Variants in RBFOX1 observed in about 807,000 individuals in gnomAD.
RBFOX1 encodes RNA binding protein fox-1 homolog 1.
In RBFOX1, 8 loss-of-function variants were observed where a neutral mutation model predicts 57.7. The observed-to-expected ratio is 0.14, with a 90% CI of 0.08 to 0.25. RBFOX1 has a LOEUF of 0.25. Ranked by LOEUF, RBFOX1 falls within the 10% of genes least tolerant of loss-of-function variation. RBFOX1 has a pLI of 1.00. For missense variants in RBFOX1, 611 were observed against 548.5 expected (o/e 1.11, Z -1.14); for synonymous variants, 326 against 222.4 (o/e 1.47, Z -4.15).
At chr16:7,487,234 C>G (rs1362187079) in intron 4 of RBFOX1, among the ~76,000 whole-genome samples, 1 of 152,136 alleles carries the variant, frequency 6.6e-6, no homozygotes, top group East Asian at 1.9e-4. Context: ...GTTCCCACTG[C>G]CTCACCTTGT....
intron 1 of RBFOX1, among the ~76,000 whole-genome samples, chr16:5,317,132 G>A (rs558812333): frequency 6.6e-6 from 1 of 152,188 alleles, no homozygotes; most frequent in African/African-American, 2.4e-5. Flanking sequence ...CATGTAGACA[G>A]CCTGTTGTGA....
intron 1 of RBFOX1, among the ~76,000 whole-genome samples, chr16:6,075,199 A>G (rs1025621650): frequency 6.6e-6 from 1 of 152,364 alleles, no homozygotes; most frequent in South Asian, 2.1e-4. Context: ...GAAATTAACC[A>G]AAAGGTTGAA....
chr16:5,829,780 T>C (rs1451612913), intron 3 of RBFOX1, among the ~76,000 whole-genome samples: 1 of 152,230 alleles, frequency 6.6e-6, no homozygotes, highest in Non-Finnish European at 1.5e-5. Context: ...CCAAAGGCCT[T>C]TGAATGCCAT....
At chr16:5,552,603 C>T (rs374764643) in intron 2 of RBFOX1, among the ~76,000 whole-genome samples, 4 of 152,092 alleles carry the variant, frequency 2.6e-5, no homozygotes, top group African/African-American at 9.7e-5. Flanking sequence ...TGGAGGTCAG[C>T]GTATGCATCT....
At chr16:6,710,392 A>T (rs965796040) in intron 3 of RBFOX1, among the ~76,000 whole-genome samples, 3 of 152,236 alleles carry the variant, frequency 2.0e-5, no homozygotes, top group Admixed American at 6.5e-5. Context: ...AAGCATGATC[A>T]TTTCAGCGTG....
At chr16:7,208,207 A>T (rs965259112) in intron 4 of RBFOX1, among the ~76,000 whole-genome samples, 1 of 152,190 alleles carries the variant, frequency 6.6e-6, no homozygotes, top group African/African-American at 2.4e-5. Flanking sequence ...TTATGTCACC[A>T]TCTATAATCG....
chr16:6,442,577 A>AC (rs201337036), intron 2 of RBFOX1, among the ~76,000 whole-genome samples: 54 of 151,936 alleles, frequency 3.6e-4, no homozygotes, highest in African/African-American at 1.3e-3. Flanking sequence ...AAAAGAAAAA[A>AC]AAAGAAACAG....
intron 1 of RBFOX1, among the ~76,000 whole-genome samples, chr16:5,442,163 C>T (rs529059894): frequency 6.6e-6 from 1 of 152,324 alleles, no homozygotes; most frequent in East Asian, 1.9e-4. Flanking sequence ...CTAGAAGAGG[C>T]AGTGCCTTAT....
At chr16:5,790,764 G>A (rs1388069466) in intron 3 of RBFOX1, among the ~76,000 whole-genome samples, 1 of 152,148 alleles carries the variant, frequency 6.6e-6, no homozygotes, top group African/African-American at 2.4e-5. Context: ...GCATCACTTC[G>A]TCTTCCTCAT....
At chr16:7,396,136 A>C (rs1327879687) in intron 4 of RBFOX1, among the ~76,000 whole-genome samples, 1 of 152,008 alleles carries the variant, frequency 6.6e-6, no homozygotes, top group Non-Finnish European at 1.5e-5. Flanking sequence ...TTTGCCAATA[A>C]CCAGGGCGGA....
intron 1 of RBFOX1, among the ~76,000 whole-genome samples, chr16:5,420,354 C>T (rs545777082): frequency 9.9e-5 from 15 of 151,622 alleles, no homozygotes; most frequent in East Asian, 2.0e-4. Flanking sequence ...AAAATAACAC[C>T]GAAGGTTTTT....
At chr16:6,690,901 TG>T (rs1367306593) in intron 3 of RBFOX1, among the ~76,000 whole-genome samples, 1 of 152,126 alleles carries the variant, frequency 6.6e-6, no homozygotes, top group East Asian at 1.9e-4. Context: ...TTGGCAGGTT[TG>T]GGTTTTCATT....
At chr16:5,424,989 T>TTTC (rs59594774) in intron 1 of RBFOX1, among the ~76,000 whole-genome samples, 7,096 of 75,520 alleles carry the variant, frequency 0.094, 649 homozygotes, top group African/African-American at 0.12. Flanking sequence ...TTTTCTTTTC[T>TTTC]TTTCTTTTCT....
At chr16:6,630,850 C>T (rs2098376560) in intron 2 of RBFOX1, among the ~76,000 whole-genome samples, 1 of 152,146 alleles carries the variant, frequency 6.6e-6, no homozygotes, top group African/African-American at 2.4e-5. Flanking sequence ...GGGCAGTAGT[C>T]CTCAAACCCC....
At chr16:5,362,987 A>G (rs1197343365) in intron 1 of RBFOX1, among the ~76,000 whole-genome samples, 1 of 150,832 alleles carries the variant, frequency 6.6e-6, no homozygotes, top group Non-Finnish European at 1.5e-5. Context: ...ATGCCGTAGT[A>G]AACATGGGAG....
intron 2 of RBFOX1, among the ~76,000 whole-genome samples, chr16:6,437,395 G>A (rs1424041229): frequency 6.6e-6 from 1 of 152,106 alleles, no homozygotes; most frequent in Non-Finnish European, 1.5e-5. Context: ...AACCAATTTG[G>A]ATCTTTTATT....
At position 6,371,797 on chromosome 16, in the gene RBFOX1, T is replaced by A. The variant is rs958960668; in HGVS notation, c.-64+54740T>A. 7.2e-5 allele frequency among the ~76,000 whole-genome samples: 11 copies of A among 152,182 alleles called. 1 individual carries two copies. Among genetic ancestry groups the A allele is most frequent in the Admixed American group, 6.5e-5 (1 of 15,280 alleles). On this transcript the variant is annotated intron_variant, in intron 2 of 15. Coordinates refer to ENST00000550418, the MANE Select transcript of RBFOX1 (RefSeq NM_018723.4). ...ATAATTATCTTTTCAAAGCCAAGAA[T>A]TTGTTAATCCTTCCTAAGGATTATG...
At chr16:5,419,609 T>C (rs532026516) in intron 1 of RBFOX1, among the ~76,000 whole-genome samples, 4 of 151,942 alleles carry the variant, frequency 2.6e-5, no homozygotes, top group African/African-American at 9.7e-5. Flanking sequence ...GTATTAACCG[T>C]CACAGTCTCT....
chr16:6,555,989 C>T (rs777779432), intron 2 of RBFOX1, among the ~76,000 whole-genome samples: 7 of 152,158 alleles, frequency 4.6e-5, no homozygotes, highest in Non-Finnish European at 7.4e-5. Flanking sequence ...TTATTGGAAC[C>T]GACTACATTT....
Sources: gnomAD v4.1 joint callset for allele counts (sites outside exome capture counted in the v4.1 genomes callset) on GRCh38, gnomAD v4.1.1 for gene constraint, MANE v1.5 for transcripts, NCBI Gene and HGNC (gene_info 2026-07-23, HGNC 2026-07-21) for gene names.